The following SPAST variants were observed in gnomAD, a reference collection of about 807,000 sequenced individuals.
SPAST encodes spastin, also known as spastic paraplegia 4 (autosomal dominant; spastin).
In SPAST, 30 loss-of-function variants were observed where a neutral mutation model predicts 76.6. The observed-to-expected ratio is 0.39, with a 90% CI of 0.29 to 0.53. The LOEUF is 0.53. Ranked by LOEUF, SPAST falls within the 20% of genes least tolerant of loss-of-function variation. The pLI is 0.68. For synonymous variants in SPAST, 305 were observed against 281.0 expected (o/e 1.09, Z -0.86); for missense variants, 717 against 770.5 (o/e 0.93, Z 0.82).
At chr2:32,073,389 G>C (rs780994885) in intron 1 of SPAST, among the ~76,000 whole-genome samples, 1 of 152,160 alleles carries the variant, frequency 6.6e-6, no homozygotes, top group Non-Finnish European at 1.5e-5. Flanking sequence ...CTTTTCCGCT[G>C]TCTTACTCTC....
At position 32,072,728 on chromosome 2, in the gene SPAST, A is replaced by G. The variant is rs929341452; in HGVS notation, c.415+8482A>G. Among the ~76,000 whole-genome samples the G allele has an allele frequency of 1.4e-4, 21 of 152,202 alleles. 1 individual carries two copies. On this transcript the variant is annotated intron_variant, in intron 1 of 16. Coordinates refer to ENST00000315285, the MANE Select transcript of SPAST (RefSeq NM_014946.4). ...AAACTCACGTATAAAATAGCTGTCC[A>G]TATCTGTTTTCAGAAGATGAGGATG...
At chr2:32,103,395 T>C (rs2148721279) in intron 4 of SPAST, among the ~76,000 whole-genome samples, 1 of 152,322 alleles carries the variant, frequency 6.6e-6, no homozygotes, top group South Asian at 2.1e-4. Context: ...CTATCAGTTT[T>C]GTTGATCTTT....
chr2:32,153,829 C>T (rs1258134419), intron 16 of SPAST, among the ~76,000 whole-genome samples: 1 of 151,990 alleles, frequency 6.6e-6, no homozygotes, highest in African/African-American at 2.4e-5. Context: ...GTAATCCCAG[C>T]ACTTTGGGAG....
chr2:32,081,165 G>T (rs1271560422), intron 1 of SPAST, among the ~76,000 whole-genome samples: 1 of 151,548 alleles, frequency 6.6e-6, no homozygotes, highest in Non-Finnish European at 1.5e-5. Flanking sequence ...CACCATCTTG[G>T]CCAGGCTGGT....
rs1027188094 is a variant in SPAST at position 32,088,956 on chromosome 2, G to A, written c.503-566G>A. 9.2e-5 allele frequency among the ~76,000 whole-genome samples: 14 copies of A among 152,202 alleles called. No homozygotes were observed. The South Asian group carries it at 1.7e-3, about 18-fold the overall frequency. On this transcript the variant is annotated intron_variant, in intron 2 of 16. Coordinates refer to ENST00000315285, the MANE Select transcript of SPAST (RefSeq NM_014946.4). Reference sequence around the variant, plus strand: ...ATCCCAATTTCAAAGATTTTGAAACGTGGGGAAAAAATATTTTAGACCCCA... The same window carrying A: ...ATCCCAATTTCAAAGATTTTGAAACATGGGGAAAAAATATTTTAGACCCCA...
chr2:32,086,913 G>A (rs1677505558), intron 1 of SPAST, among the ~76,000 whole-genome samples: 1 of 152,146 alleles, frequency 6.6e-6, no homozygotes, highest in South Asian at 2.1e-4. Flanking sequence ...ATTATGCTGA[G>A]TTTTTAGGTC....
chr2:32,132,777 G>T (rs1679412975), intron 9 of SPAST, among the ~76,000 whole-genome samples: 2 of 152,118 alleles, frequency 1.3e-5, no homozygotes, highest in African/African-American at 4.8e-5. Flanking sequence ...GGGAGGCCGA[G>T]GTGGGCAGGT....
chr2:32,150,239 ATTTTTTTTT>A (rs11363493), intron 16 of SPAST, among the ~76,000 whole-genome samples: 145 of 66,594 alleles, frequency 2.2e-3, no homozygotes, highest in African/African-American at 7.7e-3. Flanking sequence ...CGCCCAGCTA[ATTTTTTTTT>A]TTTTTTTTTT....
chr2:32,127,156 T>C (rs1178734253), intron 8 of SPAST, 134 bp downstream of exon 8: 1 of 724,566 alleles, frequency 1.4e-6, no homozygotes, highest in African/African-American at 1.8e-5. Flanking sequence ...TTTTTTTTGT[T>C]TGTTTGTTTT....
chr2:32,131,204 A>T (rs1439673106), intron 9 of SPAST, among the ~76,000 whole-genome samples: 3 of 152,152 alleles, frequency 2.0e-5, no homozygotes, highest in Non-Finnish European at 4.4e-5. Flanking sequence ...CTTTCTCAGG[A>T]ACACTATCTT....
At chr2:32,138,926 C>T (rs187828020) in intron 12 of SPAST, among the ~76,000 whole-genome samples, 10 of 152,196 alleles carry the variant, frequency 6.6e-5, no homozygotes, top group Admixed American at 5.9e-4. Flanking sequence ...AGTCCTTTTC[C>T]TCATTGCTTG....
chr2:32,123,218 C>T (rs1020608800), intron 7 of SPAST, among the ~76,000 whole-genome samples: 9 of 151,432 alleles, frequency 5.9e-5, no homozygotes, highest in Non-Finnish European at 1.2e-4. Context: ...GCCAAGATCG[C>T]GCCATTGCAC....
At chr2:32,096,403 C>G (rs1677916468) in intron 3 of SPAST, among the ~76,000 whole-genome samples, 1 of 152,176 alleles carries the variant, frequency 6.6e-6, no homozygotes, top group Admixed American at 6.5e-5. Flanking sequence ...CCACTGCGCT[C>G]CAGCCTGGGC....
In SPAST at chr2:32,063,711, C is replaced by T. The variant is rs1676375728; in HGVS notation, c.-121C>T. On this transcript the variant is annotated 5_prime_UTR_variant, in exon 1 of 17. Transcript: ENST00000315285. ...GGCAGCGTGCGGCAGTGCGGAGCTC[C>T]TGAGACCGGCGGGCACACGGGGGTC... 2.2e-6 allele frequency: 3 copies of T among 1,387,820 alleles called. No homozygotes were observed. Among genetic ancestry groups the T allele is most frequent in the East Asian group, 2.5e-5 (1 of 39,518 alleles). The allele number at this position is 1,387,820 out of a possible 1,614,324, so 86.0% of individuals were successfully genotyped here. A position where few individuals can be genotyped will look rare whatever the true frequency, so the allele number is the denominator to read the frequency against.
At chr2:32,067,735 C>T (rs1239000654) in intron 1 of SPAST, among the ~76,000 whole-genome samples, 1 of 147,084 alleles carries the variant, frequency 6.8e-6, no homozygotes, top group Non-Finnish European at 1.5e-5. Context: ...CCTCAAGGCT[C>T]ATTCCTAGGC....
intron 4 of SPAST, among the ~76,000 whole-genome samples, chr2:32,106,460 A>G (rs962128723): frequency 1.5e-4 from 23 of 152,134 alleles, no homozygotes; most frequent in African/African-American, 5.5e-4. Context: ...GGCTGCACCC[A>G]CTGTCTGACA....
intron 4 of SPAST, among the ~76,000 whole-genome samples, chr2:32,106,340 A>G (rs917016264): frequency 2.0e-5 from 3 of 152,002 alleles, no homozygotes; most frequent in Non-Finnish European, 4.4e-5. Flanking sequence ...GAGTCTCCCT[A>G]TTTTCCAGGT....
At chr2:32,142,781 A>G (rs1425854661) in intron 13 of SPAST, among the ~76,000 whole-genome samples, 1 of 152,210 alleles carries the variant, frequency 6.6e-6, no homozygotes, top group Non-Finnish European at 1.5e-5. Context: ...GCAAACAGGT[A>G]TGAGTGAACT....
chr2:32,121,375 A>G (rs2148739179), intron 7 of SPAST, among the ~76,000 whole-genome samples: 1 of 152,158 alleles, frequency 6.6e-6, no homozygotes, highest in Admixed American at 6.5e-5. Context: ...TCCTGACCTC[A>G]GGTGATCCGC....
Sources: gnomAD v4.1 joint callset for allele counts (sites outside exome capture counted in the v4.1 genomes callset) on GRCh38, gnomAD v4.1.1 for gene constraint, MANE v1.5 for transcripts, NCBI Gene and HGNC (gene_info 2026-07-23, HGNC 2026-07-21) for gene names.